BTF3L4: variants seen among roughly 807,000 people sequenced by gnomAD.
BTF3L4 encodes transcription factor BTF3 homolog 4.
A neutral mutation model predicts 16.8 loss-of-function variants in BTF3L4; 6 were observed. The observed-to-expected ratio is 0.36, with a 90% CI of 0.20 to 0.71. BTF3L4 has a LOEUF of 0.71. BTF3L4 is among the 30% of genes least tolerant of loss of function. BTF3L4 has a pLI of 0.58. For missense variants in BTF3L4, 92 were observed against 186.9 expected (o/e 0.49, Z 2.96); for synonymous variants, 39 against 59.8 (o/e 0.65, Z 1.60).
Position 52,090,687 on chromosome 1 carries a change from T to TA in BTF3L4, c.*3930dup, listed in dbSNP as rs1261423049. 1 of 152,196 alleles carries TA rather than the reference T, an allele frequency of 6.6e-6. No individual in the cohort carries two copies. The highest frequency in any genetic ancestry group is 1.5e-5 in the Non-Finnish European group (1 of 68,030). The allele number at this position is 152,196 out of a possible 1,614,324, so 9.4% of individuals were successfully genotyped here. A position where few individuals can be genotyped will look rare whatever the true frequency, so the allele number is the denominator to read the frequency against. On this transcript the variant is annotated 3_prime_UTR_variant, in exon 6 of 6. Coordinates refer to ENST00000313334, the MANE Select transcript of BTF3L4 (RefSeq NM_152265.5). ...TAATATGTAATGTTTTTCAACTACTTACTGTTGAATACAAAGTTATCTCAT... is the reference window on the plus strand; with the variant it reads ...TAATATGTAATGTTTTTCAACTACTTAACTGTTGAATACAAAGTTATCTCAT...
chr1:52,060,386 C>G (rs964805761), intron 2 of BTF3L4: 3 of 1,034,496 alleles, frequency 2.9e-6, no homozygotes, highest in Non-Finnish European at 2.6e-6. Context: ...AGAGGTTTAG[C>G]TGGAGATGCT....
At position 52,086,186 on chromosome 1, in the gene BTF3L4, C is replaced by T; in HGVS notation, c.430+15C>T. On this transcript the variant is annotated intron_variant, in intron 5 of 5. Transcript: ENST00000313334. ...TGATGTTCCAGGTAAGTGACATTTC[C>T]TTAGACTTAAGATTTTAAGCATCCT... The T allele has an allele frequency of 6.2e-7, 1 of 1,601,860 alleles. No individual in the cohort carries two copies. Among genetic ancestry groups the T allele is most frequent in the Non-Finnish European group, 8.5e-7 (1 of 1,172,632 alleles).
intron 3 of BTF3L4, among the ~76,000 whole-genome samples, chr1:52,072,633 T>A (rs1187204770): frequency 6.6e-6 from 1 of 152,186 alleles, no homozygotes; most frequent in Non-Finnish European, 1.5e-5. Context: ...GTTTTCAGGG[T>A]TCATCGAGGT....
chr1:52,063,846 C>CAGAAGAG (rs1686579403), intron 2 of BTF3L4, among the ~76,000 whole-genome samples: 1 of 152,174 alleles, frequency 6.6e-6, no homozygotes, highest in African/African-American at 2.4e-5. Flanking sequence ...TCTGACCCCT[C>CAGAAGAG]ACCATCTTCA....
intron 3 of BTF3L4, among the ~76,000 whole-genome samples, chr1:52,069,683 G>T (rs752311126): frequency 6.6e-6 from 1 of 152,152 alleles, no homozygotes; most frequent in African/African-American, 2.4e-5. Context: ...TACTTTCTGT[G>T]CTTAGACCTT....
In BTF3L4 at chr1:52,056,515, G is replaced by A. The variant is rs558963107; in HGVS notation, c.-14+136G>A. ...TGGTGCGGCGAGCGGGGGCGGAGGC[G>A]GCTGGCTTGGCCTGTCGGTTACCGG... On this transcript the variant is annotated intron_variant, in intron 1 of 5. Coordinates refer to ENST00000313334, the MANE Select transcript of BTF3L4 (RefSeq NM_152265.5). The A allele has an allele frequency of 3.3e-3, 502 of 152,750 alleles. 2 individuals are homozygous for A. The highest frequency in any genetic ancestry group is 3.9e-3 in the Non-Finnish European group (265 of 68,298). The allele number at this position is 152,750 out of a possible 1,614,324, so 9.5% of individuals were successfully genotyped here.
chr1:52,083,428 C>G lies in BTF3L4; in HGVS notation c.257C>G (p.Thr86Ser), dbSNP rs747353221. The change falls in exon 4 of 6, where the codon ACT becomes AGT. Residue 86 changes from threonine (T) to serine (S), a missense_variant. Thr to Ser is a moderately conservative substitution (Grantham distance 58). Transcript: ENST00000313334. Reference protein sequence around the residue: ...ASLSANTFAITGHAEAKPITE... With the variant: ...ASLSANTFAISGHAEAKPITE... ...CTTTCTGCTAATACCTTTGCAATTA[C>G]TGGTCATGCAGAAGCCAAACCAATC... 1 of 1,606,948 alleles carries G rather than the reference C, an allele frequency of 6.2e-7. No individual in the cohort carries two copies.
At chr1:52,086,301 A>T in intron 5 of BTF3L4, 130 bp downstream of exon 5, 1 of 642,442 alleles carries the variant, frequency 1.6e-6, no homozygotes, top group East Asian at 3.0e-5. Context: ...AATAATGTGG[A>T]TAGGATCTAA....
chr1:52,074,932 T>C (rs368608465), intron 3 of BTF3L4, among the ~76,000 whole-genome samples: 5 of 152,002 alleles, frequency 3.3e-5, no homozygotes, highest in African/African-American at 1.2e-4. Context: ...CTTTTTAGAA[T>C]TATTTGTAGA....
chr1:52,086,357 T>C (rs1643973120), intron 5 of BTF3L4, 186 bp downstream of exon 5: 1 of 497,028 alleles, frequency 2.0e-6, no homozygotes, highest in Admixed American at 3.9e-5. Flanking sequence ...AATCAGAAAT[T>C]GTCACACAAA....
intron 2 of BTF3L4, among the ~76,000 whole-genome samples, chr1:52,062,745 G>A (rs1005468433): frequency 4.6e-5 from 7 of 152,166 alleles, no homozygotes; most frequent in African/African-American, 9.7e-5. Flanking sequence ...CAATTGAGAC[G>A]CTATTGCTAG....
intron 3 of BTF3L4, among the ~76,000 whole-genome samples, chr1:52,078,665 C>T (rs1686992091): frequency 6.6e-6 from 1 of 152,112 alleles, no homozygotes; most frequent in South Asian, 2.1e-4. Flanking sequence ...TTCTTCTAAA[C>T]AGTGAAAACA....
At chr1:52,072,838 A>G (rs907925883) in intron 3 of BTF3L4, among the ~76,000 whole-genome samples, 1 of 152,178 alleles carries the variant, frequency 6.6e-6, no homozygotes, top group African/African-American at 2.4e-5. Flanking sequence ...AGGTGGTCGC[A>G]TCACGAGGTC....
At chr1:52,057,144 T>TA (rs1219831966) in intron 1 of BTF3L4, among the ~76,000 whole-genome samples, 2 of 152,180 alleles carry the variant, frequency 1.3e-5, no homozygotes, top group African/African-American at 4.8e-5. Context: ...AGAAGAAAAA[T>TA]ACCTTTCCCA....
chr1:52,083,238 A>G, intron 3 of BTF3L4, 102 bp from the exon 4 acceptor site: 1 of 930,120 alleles, frequency 1.1e-6, no homozygotes, highest in Non-Finnish European at 1.7e-6. Flanking sequence ...GGATTACATA[A>G]CTACCAAGTA....
intron 3 of BTF3L4, among the ~76,000 whole-genome samples, chr1:52,077,034 G>A (rs1572029342): frequency 1.3e-5 from 2 of 152,092 alleles, no homozygotes; most frequent in East Asian, 3.9e-4. Context: ...CAGGCATGGT[G>A]GCACATGCCT....
At chr1:52,062,376 A>G (rs1686538540) in intron 2 of BTF3L4, among the ~76,000 whole-genome samples, 1 of 150,880 alleles carries the variant, frequency 6.6e-6, no homozygotes, top group Non-Finnish European at 1.5e-5. Flanking sequence ...TAATTTTTGT[A>G]TTTTTAGTAG....
At chr1:52,079,095 G>A (rs1244146997) in intron 3 of BTF3L4, among the ~76,000 whole-genome samples, 1 of 152,120 alleles carries the variant, frequency 6.6e-6, no homozygotes, top group Non-Finnish European at 1.5e-5. Context: ...TACCCAAAAT[G>A]GTAGGAGAGG....
chr1:52,072,208 C>T (rs1490652052), intron 3 of BTF3L4, among the ~76,000 whole-genome samples: 2 of 151,816 alleles, frequency 1.3e-5, no homozygotes, highest in African/African-American at 2.4e-5. Flanking sequence ...GCGCCCGCCA[C>T]CACGCCTGGC....
Sources: allele counts gnomAD v4.1 joint callset (sites outside exome capture counted in the v4.1 genomes callset), GRCh38; gene constraint gnomAD v4.1.1; transcripts MANE v1.5; gene names NCBI Gene and HGNC (gene_info 2026-07-23, HGNC 2026-07-21).